Variants in SCHIP1 observed in about 807,000 individuals in gnomAD.
The protein encoded by SCHIP1 is schwannomin interacting protein 1.
A neutral mutation model predicts 29.7 loss-of-function variants in SCHIP1; 8 were observed. The ratio of observed to expected loss-of-function variants is 0.27; its 90% CI spans 0.16 to 0.49. SCHIP1 has a LOEUF of 0.49. Ranked by LOEUF, SCHIP1 falls within the 20% of genes least tolerant of loss-of-function variation. The pLI is 0.99. For missense variants in SCHIP1, 193 were observed against 294.6 expected (o/e 0.66, Z 2.52); for synonymous variants, 76 against 94.9 (o/e 0.80, Z 1.16).
chr3:159,412,931 G>A, the SCHIP1 span, among the ~76,000 whole-genome samples: 5 of 152,174 alleles, frequency 3.3e-5, no homozygotes, highest in African/African-American at 9.7e-5. Flanking sequence ...AGAACTGCCT[G>A]AGACTGAATA....
At chr3:159,400,505 A>C in the SCHIP1 span, among the ~76,000 whole-genome samples, 1 of 152,188 alleles carries the variant, frequency 6.6e-6, no homozygotes, top group African/African-American at 2.4e-5. Context: ...CTTTTGATGA[A>C]GGAGAAGAGT....
chr3:159,765,057 G>A, the SCHIP1 span: 1 of 1,560,854 alleles, frequency 6.4e-7, no homozygotes, highest in Non-Finnish European at 8.7e-7. Flanking sequence ...ATTGGGAGGC[G>A]CTGGAGAAGC....
chr3:159,773,200 G>A, the SCHIP1 span, among the ~76,000 whole-genome samples: 1 of 152,156 alleles, frequency 6.6e-6, no homozygotes. Flanking sequence ...TGCTCCCTGT[G>A]CTCTCAGCAC....
chr3:159,736,374 G>C, the SCHIP1 span, among the ~76,000 whole-genome samples: 3 of 152,328 alleles, frequency 2.0e-5, no homozygotes, highest in Non-Finnish European at 2.9e-5. Context: ...AAGTGTTTCT[G>C]TGTCTGGTAC....
At chr3:159,728,254 T>G in the SCHIP1 span, among the ~76,000 whole-genome samples, 1 of 152,184 alleles carries the variant, frequency 6.6e-6, no homozygotes, top group South Asian at 2.1e-4. Context: ...GGATAAAGAC[T>G]AAGGAAGTGG....
chr3:159,678,620 G>A, the SCHIP1 span, among the ~76,000 whole-genome samples: 1 of 152,154 alleles, frequency 6.6e-6, no homozygotes, highest in African/African-American at 2.4e-5. Context: ...AACTTAATTG[G>A]TTATGTATCG....
At chr3:159,574,899 G>A in the SCHIP1 span, among the ~76,000 whole-genome samples, 267 of 152,336 alleles carry the variant, frequency 1.8e-3, no homozygotes, top group Non-Finnish European at 2.8e-3. Flanking sequence ...GTGGGCATGG[G>A]ACCTGCCAAG....
chr3:159,888,859 A>C (rs769741072), exon 5 of SCHIP1: 1 of 1,614,176 alleles, frequency 6.2e-7, no homozygotes, highest in South Asian at 1.1e-5. Flanking sequence ...CTTGATGAAA[A>C]GAAGTTTAAA....
the SCHIP1 span, among the ~76,000 whole-genome samples, chr3:159,619,917 T>A: frequency 1.3e-5 from 2 of 152,332 alleles, no homozygotes; most frequent in Middle Eastern, 3.4e-3. Context: ...ATGAAGTCCA[T>A]GGTATATAAA....
the SCHIP1 span, among the ~76,000 whole-genome samples, chr3:159,713,962 C>A: frequency 6.6e-6 from 1 of 152,194 alleles, no homozygotes; most frequent in Non-Finnish European, 1.5e-5. Flanking sequence ...ACTGGGCAGG[C>A]ACAGTGGCTC....
At chr3:159,435,330 T>C in the SCHIP1 span, among the ~76,000 whole-genome samples, 192 of 152,292 alleles carry the variant, frequency 1.3e-3, 3 homozygotes, top group South Asian at 0.031. Flanking sequence ...TTATTATTAT[T>C]ACCTCTTTAC....
the SCHIP1 span, among the ~76,000 whole-genome samples, chr3:159,565,186 C>T: frequency 2.6e-5 from 4 of 152,112 alleles, no homozygotes; most frequent in Non-Finnish European, 5.9e-5. Flanking sequence ...AGGTAGGGAG[C>T]CATCCACTCC....
chr3:159,408,400 T>TTA, the SCHIP1 span, among the ~76,000 whole-genome samples: 1 of 147,662 alleles, frequency 6.8e-6, no homozygotes, highest in African/African-American at 2.5e-5. Flanking sequence ...TTTGCAATGA[T>TTA]AAAAAAAAAA....
chr3:159,590,522 G>C, the SCHIP1 span, among the ~76,000 whole-genome samples: 1 of 152,018 alleles, frequency 6.6e-6, no homozygotes, highest in Non-Finnish European at 1.5e-5. Flanking sequence ...GTTGCAGTGA[G>C]CTGAAATTGT....
At chr3:159,325,362 A>T in the SCHIP1 span, among the ~76,000 whole-genome samples, 1 of 152,164 alleles carries the variant, frequency 6.6e-6, no homozygotes, top group Non-Finnish European at 1.5e-5. Flanking sequence ...ATCATAAATC[A>T]TTCGTCTGTA....
At chr3:159,696,956 G>T in the SCHIP1 span, among the ~76,000 whole-genome samples, 1 of 152,236 alleles carries the variant, frequency 6.6e-6, no homozygotes, top group Non-Finnish European at 1.5e-5. Context: ...GGCTAGTGGG[G>T]AGGGCTGTAA....
the SCHIP1 span, among the ~76,000 whole-genome samples, chr3:159,298,719 A>G: frequency 1.3e-5 from 2 of 152,218 alleles, no homozygotes; most frequent in Non-Finnish European, 1.5e-5. Flanking sequence ...GTGAAGAACA[A>G]TGTAGAAGTG....
chr3:159,381,395 CA>C, the SCHIP1 span, among the ~76,000 whole-genome samples: 3 of 150,818 alleles, frequency 2.0e-5, no homozygotes, highest in East Asian at 1.9e-4. Context: ...TTGCATTGTT[CA>C]AAAAAAAAGT....
At chr3:159,775,018 A>T in the SCHIP1 span, among the ~76,000 whole-genome samples, 1 of 151,974 alleles carries the variant, frequency 6.6e-6, no homozygotes, top group African/African-American at 2.4e-5. Flanking sequence ...GTGACTGTGC[A>T]TCTTTCTTCC....
Sources: allele counts gnomAD v4.1 joint callset (sites outside exome capture counted in the v4.1 genomes callset), GRCh38; gene constraint gnomAD v4.1.1; transcripts MANE v1.5; gene names NCBI Gene and HGNC (gene_info 2026-07-23, HGNC 2026-07-21).